Variants in TNS1 observed in about 807,000 individuals in gnomAD.
TNS1 encodes the protein tensin 1.
A neutral mutation model predicts 168.6 loss-of-function variants in TNS1; 62 were observed. That is an observed-to-expected ratio of 0.37 (90% confidence interval 0.30 to 0.45). The LOEUF is 0.45. Ranked by LOEUF, TNS1 falls within the 20% of genes least tolerant of loss-of-function variation. TNS1 has a pLI of 1.00. For synonymous variants in TNS1, 934 were observed against 933.2 expected, an observed-to-expected ratio of 1.00 and a Z score of -0.02; for missense variants, 2,240 against 2,339.4, an observed-to-expected ratio of 0.96 and a Z score of 0.88.
chr2:217,931,431 A>G (rs964964444), intron 3 of TNS1, among the ~76,000 whole-genome samples: 2 of 152,238 alleles, frequency 1.3e-5, no homozygotes, highest in Non-Finnish European at 2.9e-5. Context: ...GGCAGTGCTG[A>G]GGACCATGCC....
At chr2:217,868,074 T>C (rs757765493) in intron 18 of TNS1, among the ~76,000 whole-genome samples, 8 of 152,256 alleles carry the variant, frequency 5.3e-5, no homozygotes, top group Non-Finnish European at 7.3e-5. Flanking sequence ...TCTAGAACAG[T>C]GAGTGGCCGG....
intron 1 of TNS1, among the ~76,000 whole-genome samples, chr2:217,993,112 G>T (rs989530046): frequency 6.6e-6 from 1 of 152,148 alleles, no homozygotes; most frequent in South Asian, 2.1e-4. Flanking sequence ...GGAGCTATAG[G>T]CTATACCATA....
At chr2:217,933,829 G>C (rs1385729587) in intron 3 of TNS1, among the ~76,000 whole-genome samples, 2 of 152,198 alleles carry the variant, frequency 1.3e-5, no homozygotes, top group Non-Finnish European at 2.9e-5. Context: ...AGAAATGGAA[G>C]AGCAGGTGCA....
rs755977531 is a variant in TNS1 at position 217,836,002 on chromosome 2, C to CT, written c.3204+12dup. On this transcript the variant is annotated intron_variant, in intron 20 of 32. Coordinates refer to ENST00000682258, the MANE Select transcript of TNS1 (RefSeq NM_001387777.1). ...TACCCTCCATAGCCCCAAGATACAG[C>CT]TTAAGGACTCACCTCTTTGGGCCGC... 1.2e-5 allele frequency: 20 copies of CT among 1,609,808 alleles called. No homozygotes were observed. In the Admixed American group the frequency reaches 2.8e-4, roughly 23 times the overall value.
chr2:218,029,229 G>T (rs1958872908), intron 1 of TNS1, among the ~76,000 whole-genome samples: 1 of 150,972 alleles, frequency 6.6e-6, no homozygotes, highest in Non-Finnish European at 1.5e-5. Flanking sequence ...AGGCCGGGGG[G>T]CAAGTGAATT....
rs1369248310 is a variant in TNS1 at position 217,948,775 on chromosome 2, A to T, written c.187-28539T>A. ...GCCAGAAGGAGGCAGGAGTAGGGGC[A>T]CCCCCTGCTCACCACTGTGTCCTCT... On this transcript the variant is annotated intron_variant, in intron 3 of 32. Transcript: ENST00000682258. This position sits in a 1 kb window ranked among gnomAD's most constrained non-coding sequence, Gnocchi z 4.1. 1.3e-5 allele frequency among the ~76,000 whole-genome samples: 2 copies of T among 151,998 alleles called. No individual in the cohort carries two copies. Among genetic ancestry groups the T allele is most frequent in the Non-Finnish European group, 2.9e-5 (2 of 67,994 alleles).
chr2:217,888,883 T>C (rs149220242), intron 12 of TNS1, among the ~76,000 whole-genome samples: 118 of 152,308 alleles, frequency 7.7e-4, no homozygotes, highest in African/African-American at 2.5e-3. Flanking sequence ...TAAATAATCC[T>C]ATTCCTGAGA....
At chr2:217,903,776 CAAGAGTGGATCACCACTCAGA>C (rs1214254575) in intron 6 of TNS1, 1 of 636,992 alleles carries the variant, frequency 1.6e-6, no homozygotes, top group African/African-American at 1.8e-5. Flanking sequence ...TCATTGCAGG[CAAGAGTGGATCACCACTCAGA>C]CACTACTGGG....
In TNS1 at chr2:217,842,278, C is replaced by G; in HGVS notation, c.3007+5232G>C. ...GCCTCTTCTCCTTAAACTCCTGACT[C>G]ATTTATCCAACCACTGCAGATGTTT... On this transcript the variant is annotated intron_variant, in intron 19 of 32. Coordinates refer to ENST00000682258, the MANE Select transcript of TNS1 (RefSeq NM_001387777.1). 7.1e-6 allele frequency: 4 copies of G among 561,296 alleles called. No homozygotes were observed. In the South Asian group the frequency reaches 9.7e-5, roughly 14 times the overall value. The allele number at this position is 561,296 out of a possible 1,614,324, so 34.8% of individuals were successfully genotyped here.
intron 1 of TNS1, 35 bp from the exon 2 acceptor site, chr2:217,991,091 A>G (rs1958355201): frequency 1.7e-6 from 1 of 595,842 alleles, no homozygotes; most frequent in Middle Eastern, 2.6e-4. Flanking sequence ...AGCCCTGGGT[A>G]GAAGGCTGGG....
At chr2:217,899,379 C>G (rs1390333139) in intron 7 of TNS1, among the ~76,000 whole-genome samples, 108 of 152,144 alleles carry the variant, frequency 7.1e-4, no homozygotes, top group South Asian at 4.1e-4. Flanking sequence ...AACTGCCTAC[C>G]CAAGGACAGT....
intron 1 of TNS1, among the ~76,000 whole-genome samples, chr2:218,025,095 C>A (rs1355356692): frequency 6.6e-6 from 1 of 152,160 alleles, no homozygotes; most frequent in Non-Finnish European, 1.5e-5. Context: ...TGGGTCACCC[C>A]TACCCACCCC....
intron 22 of TNS1, among the ~76,000 whole-genome samples, chr2:217,828,993 T>C (rs1944006458): frequency 6.6e-6 from 1 of 152,170 alleles, no homozygotes; most frequent in Admixed American, 6.5e-5. Flanking sequence ...TCGATTGTCA[T>C]GACTGAGTGA....
chr2:217,860,360 C>T (rs911402916), intron 18 of TNS1, among the ~76,000 whole-genome samples: 2 of 152,148 alleles, frequency 1.3e-5, no homozygotes, highest in Admixed American at 6.5e-5. Context: ...TGGGACAGCT[C>T]GGTGTCACAG....
chr2:217,852,656 C>T (rs1947659341), intron 18 of TNS1, among the ~76,000 whole-genome samples: 1 of 152,214 alleles, frequency 6.6e-6, no homozygotes, highest in Admixed American at 6.5e-5. Context: ...CTTCCTTGCC[C>T]CTGTGGCCAA....
At chr2:217,983,569 C>G (rs1958111837) in intron 2 of TNS1, among the ~76,000 whole-genome samples, 1 of 152,264 alleles carries the variant, frequency 6.6e-6, no homozygotes, top group Admixed American at 6.5e-5. Context: ...TGCCGGTACT[C>G]TGTCCTGGGG....
intron 18 of TNS1, among the ~76,000 whole-genome samples, chr2:217,878,843 T>C (rs1048268028): frequency 2.0e-5 from 3 of 152,244 alleles, no homozygotes; most frequent in African/African-American, 7.2e-5. Flanking sequence ...CTGCCTCTCA[T>C]GAAGGCCGCT....
chr2:217,869,584 C>G (rs1574887666), intron 18 of TNS1, among the ~76,000 whole-genome samples: 1 of 152,264 alleles, frequency 6.6e-6, no homozygotes, highest in South Asian at 2.1e-4. Flanking sequence ...GATGGAGTCT[C>G]CCCAGGCGGC....
chr2:217,900,667 G>T, intron 6 of TNS1, 155 bp from the exon 7 acceptor site: 1 of 789,568 alleles, frequency 1.3e-6, no homozygotes, highest in Non-Finnish European at 2.0e-6. Flanking sequence ...AACACAGCCT[G>T]CCCGAAGCCA....
Sources: allele counts gnomAD v4.1 joint callset (sites outside exome capture counted in the v4.1 genomes callset), GRCh38; gene constraint gnomAD v4.1.1; non-coding constraint Gnocchi (gnomAD v3.1); transcripts MANE v1.5; gene names NCBI Gene and HGNC (gene_info 2026-07-23, HGNC 2026-07-21).